Variants in AKT3 observed in about 807,000 individuals in gnomAD.
AKT3 encodes RAC-gamma serine/threonine-protein kinase.
In AKT3, 15 loss-of-function variants were observed where a neutral mutation model predicts 65.3. That is an observed-to-expected ratio of 0.23 (90% CI 0.15 to 0.35). AKT3 has a LOEUF of 0.35. Among genes scored for constraint, AKT3 ranks in the 10% least tolerant of loss-of-function variants. AKT3 has a pLI of 1.00. For synonymous variants in AKT3, 206 were observed against 183.8 expected (o/e 1.12, Z -0.98); for missense variants, 243 against 576.5 (o/e 0.42, Z 5.92).
chr1:243,771,584 A>AAAAAC (rs1690188428), intron 2 of AKT3, among the ~76,000 whole-genome samples: 1 of 152,194 alleles, frequency 6.6e-6, no homozygotes. Context: ...GCTATCTGCA[A>AAAAAC]AAAACAAAAC....
At chr1:243,810,320 A>G (rs1443208225) in intron 2 of AKT3, among the ~76,000 whole-genome samples, 1 of 152,156 alleles carries the variant, frequency 6.6e-6, no homozygotes, top group Non-Finnish European at 1.5e-5. Flanking sequence ...TCAAATAGAC[A>G]CAATAAAACA....
At chr1:243,562,682 T>C (rs905349691) in intron 10 of AKT3, among the ~76,000 whole-genome samples, 3 of 152,044 alleles carry the variant, frequency 2.0e-5, no homozygotes, top group African/African-American at 7.2e-5. Context: ...GGGCTACATG[T>C]AAGTGTTCCT....
chr1:243,584,964 C>T (rs1675682808), intron 8 of AKT3, among the ~76,000 whole-genome samples: 1 of 152,070 alleles, frequency 6.6e-6, no homozygotes, highest in Non-Finnish European at 1.5e-5. Flanking sequence ...GTATAACTAT[C>T]TCTCTTTACT....
At chr1:243,530,999 C>T (rs541446548) in intron 12 of AKT3, among the ~76,000 whole-genome samples, 6 of 152,170 alleles carry the variant, frequency 3.9e-5, no homozygotes, top group South Asian at 2.1e-4. Context: ...TTTCAAACAT[C>T]TGTTTTTTTC....
chr1:243,757,090 C>T (rs1689182939), intron 2 of AKT3, among the ~76,000 whole-genome samples: 1 of 152,166 alleles, frequency 6.6e-6, no homozygotes, highest in Admixed American at 6.5e-5. Flanking sequence ...GTAAAGAGCC[C>T]TGACAATCAA....
chr1:243,645,580 A>G (rs1337785084), intron 5 of AKT3, among the ~76,000 whole-genome samples: 3 of 152,228 alleles, frequency 2.0e-5, no homozygotes, highest in Non-Finnish European at 4.4e-5. Flanking sequence ...CAGGGAAAAC[A>G]TTTTATTACA....
intron 3 of AKT3, among the ~76,000 whole-genome samples, chr1:243,683,365 T>C (rs1684057033): frequency 6.6e-6 from 1 of 152,154 alleles, no homozygotes; most frequent in South Asian, 2.1e-4. Flanking sequence ...TAAATATTCA[T>C]TACAATTTAG....
intron 1 of AKT3, among the ~76,000 whole-genome samples, chr1:243,848,460 C>G (rs1012564132): frequency 1.3e-5 from 2 of 152,178 alleles, no homozygotes; most frequent in African/African-American, 4.8e-5. Flanking sequence ...ACATATTTTG[C>G]AAGTGATACT....
At chr1:243,757,518 T>A (rs1205298751) in intron 2 of AKT3, among the ~76,000 whole-genome samples, 7 of 152,048 alleles carry the variant, frequency 4.6e-5, no homozygotes. Flanking sequence ...CTCAGGAGGC[T>A]GAGACAGGAG....
intron 2 of AKT3, among the ~76,000 whole-genome samples, chr1:243,792,625 T>C (rs1248750536): frequency 2.0e-5 from 3 of 152,114 alleles, no homozygotes; most frequent in African/African-American, 7.2e-5. Flanking sequence ...TGCTTACAGC[T>C]ACATGGGGGA....
At chr1:243,751,778 G>A (rs963138656) in intron 2 of AKT3, among the ~76,000 whole-genome samples, 2 of 152,116 alleles carry the variant, frequency 1.3e-5, no homozygotes, top group African/African-American at 4.8e-5. Context: ...AGCTTGCAGG[G>A]AAGGTGGGGA....
At chr1:243,662,561 TG>T (rs766518696) in intron 4 of AKT3, among the ~76,000 whole-genome samples, 1 of 51,782 alleles carries the variant, frequency 1.9e-5, no homozygotes, top group African/African-American at 7.9e-5. Context: ...TGTTGTGGGG[TG>T]GGGGGAGGGG....
At chr1:243,779,381 T>C (rs2148302677) in intron 2 of AKT3, among the ~76,000 whole-genome samples, 2 of 152,122 alleles carry the variant, frequency 1.3e-5, no homozygotes, top group South Asian at 4.2e-4. Flanking sequence ...ATGCCTGGTT[T>C]TCCAGAGCAA....
rs757455834 is a variant in AKT3 at position 243,489,011 on chromosome 1, C to T, written c.*7-561G>A. ...TTTAATTCTGCGGTGGATTTTTCTC[C>T]AGGCTAAGGCAGCTGGATAAGCACA... On this transcript the variant is annotated intron_variant, in intron 13 of 13. Coordinates refer to the AKT3 transcript ENST00000336199. The T allele has an allele frequency of 1.3e-5, 21 of 1,613,234 alleles. 1 individual carries two copies. The East Asian group carries it at 3.1e-4, about 24-fold the overall frequency.
chr1:243,726,436 TA>T (rs1237762895), intron 2 of AKT3, among the ~76,000 whole-genome samples: 1 of 151,932 alleles, frequency 6.6e-6, no homozygotes, highest in East Asian at 1.9e-4. Flanking sequence ...TGAACTCAAT[TA>T]ATGCAGGGAA....
At chr1:243,638,562 C>G (rs866892336) in intron 5 of AKT3, among the ~76,000 whole-genome samples, 1 of 152,038 alleles carries the variant, frequency 6.6e-6, no homozygotes, top group Non-Finnish European at 1.5e-5. Context: ...TTTTTGTGGA[C>G]TTGCCTCCTT....
intron 8 of AKT3, among the ~76,000 whole-genome samples, chr1:243,588,158 T>C (rs1016840716): frequency 6.6e-6 from 1 of 152,174 alleles, no homozygotes; most frequent in African/African-American, 2.4e-5. Flanking sequence ...TAGATGGCAT[T>C]TGCAGGACAG....
At chr1:243,777,938 T>C (rs1035273576) in intron 2 of AKT3, among the ~76,000 whole-genome samples, 5 of 152,338 alleles carry the variant, frequency 3.3e-5, no homozygotes, top group Non-Finnish European at 7.3e-5. Flanking sequence ...CCTTGAGGCA[T>C]GTATCCTTTA....
At chr1:243,561,869 C>T (rs1673808513) in intron 10 of AKT3, among the ~76,000 whole-genome samples, 2 of 152,112 alleles carry the variant, frequency 1.3e-5, no homozygotes, top group Non-Finnish European at 2.9e-5. Flanking sequence ...GGCAGTATCT[C>T]CCATCTCACA....
Sources: gnomAD v4.1 joint callset for allele counts (sites outside exome capture counted in the v4.1 genomes callset) on GRCh38, gnomAD v4.1.1 for gene constraint, MANE v1.5 for transcripts, NCBI Gene and HGNC (gene_info 2026-07-23, HGNC 2026-07-21) for gene names.